Variants in JPH1 observed in about 807,000 individuals in gnomAD.
The protein encoded by JPH1 is junctophilin 1, also known as junctophilin-1.
In JPH1, 12 loss-of-function variants were observed where a neutral mutation model predicts 53.6. That is an observed-to-expected ratio of 0.22 (90% confidence interval 0.14 to 0.36). JPH1 has a LOEUF of 0.36. JPH1 is among the 10% of genes least tolerant of loss of function. The probability of loss-of-function intolerance (pLI) is 1.00; values close to 1 mark genes in which losing one functional copy is unlikely to be tolerated. For synonymous variants in JPH1, 375 were observed against 363.8 expected (o/e 1.03, Z -0.35); for missense variants, 808 against 905.5 (o/e 0.89, Z 1.38).
At chr8:74,270,329 T>C (rs137944237) in intron 2 of JPH1, among the ~76,000 whole-genome samples, 1 of 152,342 alleles carries the variant, frequency 6.6e-6, no homozygotes, top group East Asian at 1.9e-4. Context: ...ATCATCTAGT[T>C]CTTCCTGAAT....
Position 74,315,693 on chromosome 8 carries a change from A to C in JPH1, c.380-73T>G. 7.0e-7 allele frequency: 1 copy of C among 1,420,914 alleles called. No homozygotes were observed. The highest frequency in any genetic ancestry group is 9.4e-7 in the Non-Finnish European group (1 of 1,063,814). The allele number at this position is 1,420,914 out of a possible 1,614,324, so 88.0% of individuals were successfully genotyped here. On this transcript the variant is annotated intron_variant, in intron 1 of 5. Coordinates refer to ENST00000342232, the MANE Select transcript of JPH1 (RefSeq NM_020647.4). This position sits in a 1 kb window ranked among gnomAD's most constrained non-coding sequence, Gnocchi z 6.3. ...CCGTCACCTGCACCATCCAGCGCAC[A>C]CTGGCGCAGGCCTGCCCAAGGTCAA... is the stretch of plus-strand genomic sequence containing the variant.
chr8:74,307,787 C>A (rs6983232), intron 2 of JPH1, among the ~76,000 whole-genome samples: 9,496 of 152,172 alleles, frequency 0.062, 1,005 homozygotes, highest in African/African-American at 0.22. Context: ...ACAGACATAA[C>A]GATAGCTTAT....
chr8:74,314,747 T>C, intron 2 of JPH1, 114 bp downstream of exon 2: 1 of 1,218,694 alleles, frequency 8.2e-7, no homozygotes, highest in Non-Finnish European at 1.2e-6. Context: ...CCTTTGATTT[T>C]TTAGTAGTTG....
chr8:74,303,310 C>A (rs1023611798), intron 2 of JPH1, among the ~76,000 whole-genome samples: 6 of 152,118 alleles, frequency 3.9e-5, no homozygotes, highest in African/African-American at 1.2e-4. Flanking sequence ...TTCAAGAAGC[C>A]AAAAATCCAA....
In JPH1 at chr8:74,244,593, A is replaced by T. The variant is rs1468160794; in HGVS notation, c.1841T>A (p.Leu614His). Residue 614 changes from leucine to histidine, a missense_variant, in exon 4 of 6, where the codon CTT (leucine) becomes CAT (histidine). Physicochemically the swap from Leu to His is moderately conservative, Grantham distance 99. This residue lies in a region of JPH1 where 756 missense variants were observed against 811.9 expected (regional missense o/e 0.93). Transcript: ENST00000342232. ...KAEPKAKKSE[L>H]AIPKNPASND... The stretch of plus-strand genomic sequence containing the variant: ...GCTTGCTGGATTCTTTGGTATAGCA[A>T]GTTCAGACTTCTTAGCTTTTGGCTC... The T allele has an allele frequency of 6.2e-7, 1 of 1,614,016 alleles. No individual in the cohort carries two copies. Among genetic ancestry groups the T allele is most frequent in the Non-Finnish European group, 8.5e-7 (1 of 1,180,020 alleles).
chr8:74,281,173 T>C (rs1807007869), intron 2 of JPH1, among the ~76,000 whole-genome samples: 1 of 152,268 alleles, frequency 6.6e-6, no homozygotes, highest in Admixed American at 6.5e-5. Flanking sequence ...CTTTTGTATT[T>C]AAAGTCTTAA....
chr8:74,299,403 T>C (rs777074842), intron 2 of JPH1, among the ~76,000 whole-genome samples: 1 of 152,198 alleles, frequency 6.6e-6, no homozygotes, highest in Non-Finnish European at 1.5e-5. Context: ...AATGGAGTTG[T>C]ATACAGATTG....
intron 3 of JPH1, among the ~76,000 whole-genome samples, chr8:74,245,961 G>A (rs1259312379): frequency 6.6e-6 from 1 of 151,770 alleles, no homozygotes; most frequent in Non-Finnish European, 1.5e-5. Flanking sequence ...TATTTTACAG[G>A]GAGTGAGCTA....
intron 2 of JPH1, among the ~76,000 whole-genome samples, chr8:74,278,090 A>G (rs986133048): frequency 5.3e-5 from 8 of 152,226 alleles, no homozygotes; most frequent in Non-Finnish European, 1.0e-4. Flanking sequence ...GTGTCCCCAC[A>G]CAAATCTCAT....
intron 4 of JPH1, among the ~76,000 whole-genome samples, chr8:74,242,142 T>C (rs1436542886): frequency 2.0e-5 from 3 of 152,180 alleles, no homozygotes; most frequent in Admixed American, 6.5e-5. Flanking sequence ...ACTAATTTCC[T>C]GTGTTAGTCT....
chr8:74,259,478 C>T lies in JPH1; in HGVS notation c.1165G>A (p.Asp389Asn), dbSNP rs183112528. 26 of 1,611,512 alleles carry T rather than the reference C, an allele frequency of 1.6e-5. No homozygotes were observed. The highest frequency in any genetic ancestry group is 1.3e-4 in the East Asian group (6 of 44,806). Residue 389 changes from aspartate (D) to asparagine (N), a missense_variant, in exon 3 of 6, where the codon GAT (aspartate) becomes AAT (asparagine). By Grantham distance (23) the Asp-to-Asn change is conservative. Around this residue, in one of 2 missense-constraint regions of JPH1, gnomAD observed 756 missense variants for 811.9 expected, o/e 0.93. Transcript: ENST00000342232. ...GCCAGCGCGGCCTGGTCGGCGGCAT[C>T]GGCCTTCGCTCTGGCATGTGCAGTC... ...SRTAHARAKA[D>N]AADQAALAAR...
chr8:74,268,200 G>A (rs1376846369), intron 2 of JPH1, among the ~76,000 whole-genome samples: 1 of 152,170 alleles, frequency 6.6e-6, no homozygotes, highest in East Asian at 1.9e-4. Flanking sequence ...TTAGTCTTCT[G>A]TTGAAATAAA....
At chr8:74,247,751 G>A (rs1805899889) in intron 3 of JPH1, among the ~76,000 whole-genome samples, 1 of 151,970 alleles carries the variant, frequency 6.6e-6, no homozygotes, top group Non-Finnish European at 1.5e-5. Flanking sequence ...TGATGCCCTC[G>A]TCACAAAAAA....
At chr8:74,259,970 A>T (rs1806344760) in intron 2 of JPH1, among the ~76,000 whole-genome samples, 1 of 152,208 alleles carries the variant, frequency 6.6e-6, no homozygotes. Context: ...TGAAGAAAAA[A>T]ATTAGTGAAA....
chr8:74,300,888 G>C (rs1029791762), intron 2 of JPH1, among the ~76,000 whole-genome samples: 16 of 152,078 alleles, frequency 1.1e-4, no homozygotes, highest in African/African-American at 3.9e-4. Context: ...AAGATTACTT[G>C]TTTCATATGT....
At chr8:74,293,018 C>T (rs555533015) in intron 2 of JPH1, among the ~76,000 whole-genome samples, 8 of 152,254 alleles carry the variant, frequency 5.3e-5, no homozygotes, top group East Asian at 1.9e-4. Flanking sequence ...CCTTTGGGAA[C>T]GTCAAACAGA....
chr8:74,269,369 TC>T (rs1320709045), intron 2 of JPH1, among the ~76,000 whole-genome samples: 7 of 132,918 alleles, frequency 5.3e-5, no homozygotes, highest in African/African-American at 2.6e-4. Flanking sequence ...ATAGTTATTC[TC>T]TCAGTGAACT....
rs146741248 is a variant in JPH1, at chr8:74,320,997, C to T, written c.291G>A (p.Arg97=). Residue 97 remains arginine, a synonymous_variant, in exon 1 of 6, where the codon CGG becomes CGA. Transcript: ENST00000342232. The surrounding 1 kb of genome is among the most constrained non-coding windows in gnomAD (Gnocchi z 4.4). ...AGCGAGCGGGGGTGCACAGGCTCTG[C>T]CGGACCCCGTAGCGCCCCTTGAAAC... ...SHGFKGRYGV[R]QSLCTPARYE... 10 of 1,612,768 alleles carry T rather than the reference C, an allele frequency of 6.2e-6. No homozygotes were observed. The South Asian group carries it at 8.8e-5, about 14-fold the overall frequency.
At chr8:74,267,171 C>T (rs1806556810) in intron 2 of JPH1, among the ~76,000 whole-genome samples, 1 of 152,096 alleles carries the variant, frequency 6.6e-6, no homozygotes, top group African/African-American at 2.4e-5. Context: ...TACAGGGCTG[C>T]TATGCAAATT....
Sources: gnomAD v4.1 joint callset for allele counts (sites outside exome capture counted in the v4.1 genomes callset) on GRCh38, gnomAD v4.1.1 for gene constraint, gnomAD v4.1.1 regional missense constraint, Gnocchi (gnomAD v3.1) non-coding constraint, MANE v1.5 for transcripts, NCBI Gene and HGNC (gene_info 2026-07-23, HGNC 2026-07-21) for gene names.